Variants in HECW2 observed in about 807,000 individuals in gnomAD.
HECW2 encodes HECT, C2 and WW domain containing E3 ubiquitin protein ligase 2.
HECW2 carries 61 observed loss-of-function variants against 175.2 expected under a neutral mutation model. The observed-to-expected ratio is 0.35, with a 90% CI of 0.28 to 0.43. The LOEUF (loss-of-function observed/expected upper bound fraction) is 0.43. Ranked by LOEUF, HECW2 falls within the 20% of genes least tolerant of loss-of-function variation. The pLI, the probability that HECW2 is intolerant of heterozygous loss-of-function variation, is 1.00. For synonymous variants in HECW2, 671 were observed against 731.0 expected (o/e 0.92, Z 1.32); for missense variants, 1,524 against 2,000.5 (o/e 0.76, Z 4.54).
chr2:196,471,456 T>C (rs1377578400), intron 1 of HECW2, among the ~76,000 whole-genome samples: 1 of 152,188 alleles, frequency 6.6e-6, no homozygotes, highest in African/African-American at 2.4e-5. Context: ...CCAGCAATCC[T>C]ATTATTGGAT....
In HECW2 at chr2:196,557,363, C is replaced by T. The variant is rs184761646; in HGVS notation, c.-36+36145G>A. On this transcript the variant is annotated intron_variant, in intron 1 of 28. Coordinates refer to ENST00000644978, the MANE Select transcript of HECW2 (RefSeq NM_001348768.2). Reference sequence around the variant, plus strand: ...TGAGCCAAGATTGCACCATTGCACTCCAGCCTGGGCAACAAGAGCAAAACT... The same window carrying T: ...TGAGCCAAGATTGCACCATTGCACTTCAGCCTGGGCAACAAGAGCAAAACT... Among the ~76,000 whole-genome samples the T allele has an allele frequency of 7.8e-3, 1,183 of 151,748 alleles. 5 individuals carry two copies. The highest frequency in any genetic ancestry group is 0.011 in the Non-Finnish European group (751 of 67,966).
chr2:196,538,477 C>T (rs1052712397), intron 1 of HECW2, among the ~76,000 whole-genome samples: 14 of 152,136 alleles, frequency 9.2e-5, no homozygotes, highest in Non-Finnish European at 1.6e-4. Context: ...TAGCAGTCCT[C>T]AGAGAGGTTT....
intron 1 of HECW2, among the ~76,000 whole-genome samples, chr2:196,497,912 G>C (rs1221997505): frequency 6.6e-6 from 1 of 152,180 alleles, no homozygotes; most frequent in Non-Finnish European, 1.5e-5. Flanking sequence ...TACTCTTTTT[G>C]TCCAATCCTA....
At position 196,274,071 on chromosome 2, in the gene HECW2, C is replaced by T. The variant is rs146026984; in HGVS notation, c.3188G>A (p.Ser1063Asn). The stretch of plus-strand genomic sequence containing the variant: ...TGGCCTACTGACTGTATTGAATGTA[C>T]TGGATGGCCTGGGAAGAACTGGTGG... ...AGPPVLPRPS[S>N]TFNTVSRPQY... The change falls in exon 16 of 29, where the codon AGT becomes AAT. Residue 1063 changes from serine (S) to asparagine (N), a missense_variant. By Grantham distance (46) the Ser-to-Asn change is conservative. Coordinates refer to ENST00000644978, the MANE Select transcript of HECW2 (RefSeq NM_001348768.2). 8.1e-6 allele frequency: 13 copies of T among 1,613,996 alleles called. No individual in the cohort carries two copies. Among genetic ancestry groups the T allele is most frequent in the Non-Finnish European group, 1.0e-5 (12 of 1,179,970 alleles).
chr2:196,209,769 T>C lies in HECW2; in HGVS notation c.4607+6096A>G, dbSNP rs1017178286. Among the ~76,000 whole-genome samples the C allele has an allele frequency of 2.2e-3, 254 of 117,794 alleles. 3 individuals are homozygous for C. Among genetic ancestry groups the C allele is most frequent in the East Asian group, 0.011 (53 of 4,750 alleles). The allele number at this position is 117,794 out of a possible 152,430, so 77.3% of individuals were successfully genotyped here. On this transcript the variant is annotated intron_variant, in intron 28 of 28. Transcript: ENST00000644978. ...ATGGTTTTTCTTTCTTTCTTTCTTT[T>C]TTTTTTTTTTTTGAGACGGAGTCTG...
intron 1 of HECW2, among the ~76,000 whole-genome samples, chr2:196,561,486 G>T (rs2125499895): frequency 6.6e-6 from 1 of 152,200 alleles, no homozygotes; most frequent in African/African-American, 2.4e-5. Flanking sequence ...TGTGATCTTT[G>T]TGACCCACAC....
At chr2:196,215,495 CT>C (rs1475203931) in intron 28 of HECW2, among the ~76,000 whole-genome samples, 7 of 152,122 alleles carry the variant, frequency 4.6e-5, no homozygotes, top group African/African-American at 1.7e-4. Context: ...CCTTTAGAAA[CT>C]ACAACGGTAA....
intron 1 of HECW2, among the ~76,000 whole-genome samples, chr2:196,517,176 T>G (rs1342182975): frequency 1.3e-5 from 2 of 152,284 alleles, no homozygotes; most frequent in East Asian, 3.9e-4. Context: ...GCATAAAAAA[T>G]TATTCCTAAT....
intron 2 of HECW2, among the ~76,000 whole-genome samples, chr2:196,414,597 A>T (rs1469342065): frequency 6.6e-6 from 1 of 152,150 alleles, no homozygotes; most frequent in East Asian, 1.9e-4. Flanking sequence ...AATTCCCCTG[A>T]GGTGGTCACT....
chr2:196,296,247 A>T (rs535583395), intron 13 of HECW2, among the ~76,000 whole-genome samples: 3 of 152,174 alleles, frequency 2.0e-5, no homozygotes, highest in African/African-American at 7.2e-5. Context: ...TTCTAGTCTC[A>T]GCTCTGTCAC....
At chr2:196,229,299 A>T (rs1399900903) in intron 21 of HECW2, among the ~76,000 whole-genome samples, 1 of 150,028 alleles carries the variant, frequency 6.7e-6, no homozygotes, top group Admixed American at 6.6e-5. Flanking sequence ...TGTGGGCATC[A>T]TTGCATTTTT....
intron 14 of HECW2, 78 bp downstream of exon 14, chr2:196,292,487 G>C: frequency 8.1e-7 from 1 of 1,241,886 alleles, no homozygotes; most frequent in Non-Finnish European, 1.2e-6. Context: ...GCCCTCACTT[G>C]AAGGGTAGGG....
chr2:196,314,870 C>T (rs1354878411), intron 10 of HECW2, among the ~76,000 whole-genome samples: 1 of 152,158 alleles, frequency 6.6e-6, no homozygotes, highest in Non-Finnish European at 1.5e-5. Context: ...CAAGACACCA[C>T]AGAGTGTAGA....
chr2:196,244,125 G>A (rs918449217), intron 19 of HECW2, among the ~76,000 whole-genome samples: 3 of 152,318 alleles, frequency 2.0e-5, no homozygotes, highest in African/African-American at 7.2e-5. Flanking sequence ...GAACTAAATA[G>A]TTGTTATTCA....
At chr2:196,564,633 GT>G (rs1236587096) in intron 1 of HECW2, among the ~76,000 whole-genome samples, 1 of 152,032 alleles carries the variant, frequency 6.6e-6, no homozygotes, top group South Asian at 2.1e-4. Context: ...GCAGTTAGAA[GT>G]TTTTTTAAAT....
chr2:196,275,360 T>C (rs1389352499), intron 15 of HECW2, among the ~76,000 whole-genome samples: 6 of 152,252 alleles, frequency 3.9e-5, no homozygotes, highest in African/African-American at 1.4e-4. Flanking sequence ...TATATTTTTC[T>C]TTCCCAACTA....
At chr2:196,283,336 T>G (rs1395452097) in intron 14 of HECW2, among the ~76,000 whole-genome samples, 1 of 148,646 alleles carries the variant, frequency 6.7e-6, no homozygotes, top group South Asian at 2.2e-4. Flanking sequence ...TGGTCAACCC[T>G]AGACTGCCTA....
intron 2 of HECW2, among the ~76,000 whole-genome samples, chr2:196,388,283 G>A (rs969123834): frequency 6.6e-6 from 1 of 152,114 alleles, no homozygotes; most frequent in Admixed American, 6.5e-5. Flanking sequence ...GATACAGTGA[G>A]ACACTGTCTC....
intron 1 of HECW2, among the ~76,000 whole-genome samples, chr2:196,582,069 A>AAATAATAAT (rs572551572): frequency 5.3e-5 from 8 of 150,262 alleles, no homozygotes; most frequent in African/African-American, 1.7e-4. Flanking sequence ...CCATCTCGAA[A>AAATAATAAT]AATAATAATA....
Sources: gnomAD v4.1 joint callset for allele counts (sites outside exome capture counted in the v4.1 genomes callset) on GRCh38, gnomAD v4.1.1 for gene constraint, MANE v1.5 for transcripts, NCBI Gene and HGNC (gene_info 2026-07-23, HGNC 2026-07-21) for gene names.